The following STK39 variants were observed in gnomAD, a reference collection of about 807,000 sequenced individuals.
STK39 encodes serine/threonine kinase 39, also known as STE20/SPS1-related proline-alanine-rich protein kinase.
Under a neutral mutation model 77.8 loss-of-function variants are expected in STK39, and 20 were observed. The observed-to-expected ratio is 0.26, with a 90% CI of 0.18 to 0.37. The LOEUF (loss-of-function observed/expected upper bound fraction) is 0.37. STK39 is among the 10% of genes least tolerant of loss of function. The probability of loss-of-function intolerance (pLI) is 1.00; values close to 1 mark genes in which losing one functional copy is unlikely to be tolerated. For synonymous variants in STK39, 246 were observed against 234.1 expected (o/e 1.05, Z -0.47); for missense variants, 479 against 656.5 (o/e 0.73, Z 2.95).
chr2:168,220,906 T>C (rs1441511225), intron 1 of STK39, among the ~76,000 whole-genome samples: 2 of 152,122 alleles, frequency 1.3e-5, no homozygotes, highest in South Asian at 4.1e-4. Flanking sequence ...GTCACTTCAT[T>C]TAGTATTTTT....
Position 168,200,599 on chromosome 2 carries a change from C to T in STK39, c.209-18509G>A, listed in dbSNP as rs1467581657. On this transcript the variant is annotated intron_variant, in intron 1 of 17. Coordinates refer to ENST00000355999, the MANE Select transcript of STK39 (RefSeq NM_013233.3). ...GGCTGAGGCACCAGAATCATTTGAA[C>T]CCAGGAGGCAGAGGTTGCAGTGAGC... 2.6e-5 allele frequency among the ~76,000 whole-genome samples: 4 copies of T among 152,074 alleles called. 1 individual carries two copies. The East Asian group carries it at 7.7e-4, about 29-fold the overall frequency.
chr2:168,078,928 C>G (rs1334236760), intron 10 of STK39, among the ~76,000 whole-genome samples: 1 of 152,112 alleles, frequency 6.6e-6, no homozygotes, highest in East Asian at 1.9e-4. Context: ...CCCAAGTGAT[C>G]CAGGGAGCCC....
intron 17 of STK39, among the ~76,000 whole-genome samples, chr2:167,961,932 A>G (rs1325694777): frequency 6.6e-6 from 1 of 152,180 alleles, no homozygotes; most frequent in African/African-American, 2.4e-5. Context: ...CACACAGTGG[A>G]GGCTGCAGAC....
intron 2 of STK39, among the ~76,000 whole-genome samples, chr2:168,180,669 G>A (rs899634467): frequency 3.9e-5 from 6 of 152,118 alleles, no homozygotes; most frequent in African/African-American, 1.4e-4. Flanking sequence ...AACTGGTTGG[G>A]TGACAAAGGC....
intron 10 of STK39, among the ~76,000 whole-genome samples, chr2:168,115,226 C>T (rs922464968): frequency 2.6e-5 from 4 of 152,118 alleles, no homozygotes; most frequent in Non-Finnish European, 4.4e-5. Context: ...GATAACATTC[C>T]AATGCCAAAA....
intron 10 of STK39, among the ~76,000 whole-genome samples, chr2:168,106,262 C>T (rs1686970257): frequency 6.6e-6 from 1 of 152,178 alleles, no homozygotes; most frequent in Non-Finnish European, 1.5e-5. Flanking sequence ...ATTTTATGCA[C>T]CTCAGTTTTC....
chr2:168,180,271 CA>C (rs1348515880), intron 2 of STK39, among the ~76,000 whole-genome samples: 1 of 152,120 alleles, frequency 6.6e-6, no homozygotes, highest in African/African-American at 2.4e-5. Context: ...CGCTTGAACC[CA>C]GGAGGCGGAG....
chr2:168,089,451 G>C (rs1332182827), intron 10 of STK39, among the ~76,000 whole-genome samples: 2 of 152,158 alleles, frequency 1.3e-5, no homozygotes, highest in Non-Finnish European at 2.9e-5. Flanking sequence ...ACAAAGATGT[G>C]ACTTTCAATG....
intron 16 of STK39, among the ~76,000 whole-genome samples, chr2:167,985,026 C>T (rs10497334): frequency 0.11 from 16,082 of 152,226 alleles, 1,212 homozygotes; most frequent in Middle Eastern, 0.19. Flanking sequence ...CTTTACTACT[C>T]TCATGCAGGC....
At chr2:168,115,320 T>C (rs1392560703) in intron 10 of STK39, among the ~76,000 whole-genome samples, 1 of 152,218 alleles carries the variant, frequency 6.6e-6, no homozygotes, top group Non-Finnish European at 1.5e-5. Flanking sequence ...TATACATAAG[T>C]AATGTTCTAC....
intron 16 of STK39, among the ~76,000 whole-genome samples, chr2:167,988,783 A>C (rs572050105): frequency 1.3e-5 from 2 of 152,346 alleles, no homozygotes; most frequent in South Asian, 4.2e-4. Flanking sequence ...CCTTTAAAAA[A>C]TGACTGTATT....
intron 1 of STK39, among the ~76,000 whole-genome samples, 165 bp downstream of exon 1, chr2:168,247,063 A>T (rs1267030659): frequency 0.014 from 1,319 of 94,588 alleles, 54 homozygotes; most frequent in East Asian, 0.042. Context: ...TTAAAAATTA[A>T]AAAAAAAAAA....
chr2:168,241,271 G>A (rs1002437966), intron 1 of STK39, among the ~76,000 whole-genome samples: 3 of 152,196 alleles, frequency 2.0e-5, no homozygotes, highest in African/African-American at 2.4e-5. Context: ...CTCTGTCCTC[G>A]CACTGGCTGG....
chr2:168,050,640 C>A (rs1229541295), intron 14 of STK39, among the ~76,000 whole-genome samples: 1 of 152,106 alleles, frequency 6.6e-6, no homozygotes, highest in Non-Finnish European at 1.5e-5. Context: ...CAGGCTACCT[C>A]TACAAGCTGG....
rs34902311 is a variant in STK39, at chr2:168,084,035, TAA to T, written c.1090-8806_1090-8805del. 4.6e-3 allele frequency among the ~76,000 whole-genome samples: 676 copies of T among 147,564 alleles called. 3 individuals are homozygous for T. Among genetic ancestry groups the T allele is most frequent in the East Asian group, 0.015 (78 of 5,084 alleles). On this transcript the variant is annotated intron_variant, in intron 10 of 17. Transcript: ENST00000355999. ...TTATTCTAATGTTAACATATCAAGT[TAA>T]AAAAAAAAAAAACTTTCTCTGTGCA...
chr2:168,014,343 G>A (rs1314375933), intron 15 of STK39, among the ~76,000 whole-genome samples: 1 of 152,110 alleles, frequency 6.6e-6, no homozygotes, highest in Non-Finnish European at 1.5e-5. Flanking sequence ...AATTAGCTGG[G>A]CCTGGTGGCA....
intron 1 of STK39, among the ~76,000 whole-genome samples, chr2:168,219,530 C>T (rs1311988028): frequency 1.4e-5 from 2 of 147,850 alleles, no homozygotes; most frequent in African/African-American, 2.5e-5. Flanking sequence ...TGTAGGTCTC[C>T]TCTATCCCTC....
chr2:168,231,363 A>G (rs566215232), intron 1 of STK39, among the ~76,000 whole-genome samples: 1 of 152,104 alleles, frequency 6.6e-6, no homozygotes, highest in Non-Finnish European at 1.5e-5. Context: ...ACCTTTGTTA[A>G]CATAATAACA....
chr2:168,034,175 C>T (rs1280090097), intron 14 of STK39, among the ~76,000 whole-genome samples: 1 of 152,138 alleles, frequency 6.6e-6, no homozygotes, highest in Non-Finnish European at 1.5e-5. Flanking sequence ...CTCAAGCGGC[C>T]CAGCATTGCT....
Sources: gnomAD v4.1 joint callset for allele counts (sites outside exome capture counted in the v4.1 genomes callset) on GRCh38, gnomAD v4.1.1 for gene constraint, MANE v1.5 for transcripts, NCBI Gene and HGNC (gene_info 2026-07-23, HGNC 2026-07-21) for gene names.